The following SAMD5 variants were observed in gnomAD, a reference collection of about 807,000 sequenced individuals.
SAMD5 encodes sterile alpha motif domain containing 5, also known as sterile alpha motif domain-containing protein 5.
Under a neutral mutation model 11.3 loss-of-function variants are expected in SAMD5, and 13 were observed. The observed-to-expected ratio is 1.15, with a 90% CI of 0.75 to 1.83. SAMD5 has a LOEUF of 1.83. Among genes scored for constraint, SAMD5 ranks in the 40% most tolerant of loss-of-function variants. SAMD5 has a pLI of 0.00. For synonymous variants in SAMD5, 129 were observed against 111.3 expected (o/e 1.16, Z -1.00); for missense variants, 255 against 239.1 (o/e 1.07, Z -0.44).
At chr6:147,925,410 A>T in the SAMD5 span, among the ~76,000 whole-genome samples, 1 of 152,196 alleles carries the variant, frequency 6.6e-6, no homozygotes, top group South Asian at 2.1e-4. Context: ...GCATTCTGTT[A>T]CAGCAGCTCA....
intron 1 of SAMD5, among the ~76,000 whole-genome samples, chr6:147,554,903 G>A (rs951486817): frequency 2.0e-5 from 3 of 152,140 alleles, no homozygotes; most frequent in Admixed American, 1.3e-4. Flanking sequence ...CAGGGGGTCT[G>A]CAAGGTAATA....
chr6:147,646,277 G>T (rs1790400009), intron 1 of SAMD5, among the ~76,000 whole-genome samples: 1 of 152,148 alleles, frequency 6.6e-6, no homozygotes, highest in Non-Finnish European at 1.5e-5. Flanking sequence ...AGTGAGCCAT[G>T]ATCATGCCAC....
At chr6:147,844,485 C>T in the SAMD5 span, among the ~76,000 whole-genome samples, 1 of 152,124 alleles carries the variant, frequency 6.6e-6, no homozygotes, top group Non-Finnish European at 1.5e-5. Context: ...AATTCCACTT[C>T]TGGCATACAC....
the SAMD5 span, among the ~76,000 whole-genome samples, chr6:147,847,852 C>A: frequency 2.6e-5 from 4 of 151,554 alleles, no homozygotes; most frequent in African/African-American, 9.7e-5. Context: ...GACTCCATCT[C>A]AAAAAAACAA....
intron 1 of SAMD5, among the ~76,000 whole-genome samples, chr6:147,591,337 C>G (rs1027774561): frequency 2.3e-4 from 35 of 152,296 alleles, no homozygotes; most frequent in African/African-American, 8.2e-4. Context: ...CGTGCACTAC[C>G]TGATTGTCCT....
chr6:147,914,590 C>T, the SAMD5 span, among the ~76,000 whole-genome samples: 3 of 152,058 alleles, frequency 2.0e-5, no homozygotes, highest in Non-Finnish European at 2.9e-5. Context: ...TTGCAGCCAT[C>T]AAAGTGAAGG....
intron 1 of SAMD5, among the ~76,000 whole-genome samples, chr6:147,699,557 G>T (rs954649491): frequency 6.6e-6 from 1 of 152,134 alleles, no homozygotes. Context: ...TGTTAAAAAT[G>T]CAAATAGTTT....
the SAMD5 span, among the ~76,000 whole-genome samples, chr6:147,908,998 C>T: frequency 6.6e-6 from 1 of 152,108 alleles, no homozygotes; most frequent in Non-Finnish European, 1.5e-5. Context: ...CACTTGAGCC[C>T]AGGAGTTCGA....
chr6:147,943,487 CCTT>C, the SAMD5 span, among the ~76,000 whole-genome samples: 1 of 152,024 alleles, frequency 6.6e-6, no homozygotes, highest in Non-Finnish European at 1.5e-5. Context: ...TCCTCCTCCT[CCTT>C]TGCTCTGCGT....
the SAMD5 span, among the ~76,000 whole-genome samples, chr6:147,951,870 T>C: frequency 7.2e-5 from 11 of 152,222 alleles, no homozygotes; most frequent in African/African-American, 2.7e-4. Flanking sequence ...TTAAGACTCT[T>C]AATGTGTATT....
intron 1 of SAMD5, among the ~76,000 whole-genome samples, chr6:147,705,090 G>A (rs1315139296): frequency 6.6e-6 from 1 of 152,186 alleles, no homozygotes; most frequent in Non-Finnish European, 1.5e-5. Flanking sequence ...AGGTAGAGGC[G>A]AACCTTGTAA....
At chr6:147,632,297 G>A (rs1157197358) in intron 1 of SAMD5, among the ~76,000 whole-genome samples, 1 of 152,178 alleles carries the variant, frequency 6.6e-6, no homozygotes, top group African/African-American at 2.4e-5. Context: ...GCATAGTGAG[G>A]AAACCTCTTC....
chr6:147,941,881 T>C, the SAMD5 span, among the ~76,000 whole-genome samples: 1 of 152,244 alleles, frequency 6.6e-6, no homozygotes, highest in African/African-American at 2.4e-5. Flanking sequence ...TTGTTTTGCT[T>C]TGTTTTGTTT....
intron 1 of SAMD5, among the ~76,000 whole-genome samples, chr6:147,653,020 T>C (rs1438979816): frequency 6.6e-6 from 1 of 152,140 alleles, no homozygotes; most frequent in Non-Finnish European, 1.5e-5. Flanking sequence ...CCCACTTAAG[T>C]ACATACTCTA....
intron 1 of SAMD5, among the ~76,000 whole-genome samples, chr6:147,592,461 G>A (rs1407705978): frequency 2.0e-5 from 3 of 151,996 alleles, no homozygotes; most frequent in Non-Finnish European, 2.9e-5. Flanking sequence ...GAGGAAGAGG[G>A]GCATCTTGGT....
At chr6:147,604,614 T>C (rs10484689) in intron 1 of SAMD5, among the ~76,000 whole-genome samples, 84,016 of 152,072 alleles carry the variant, frequency 0.55, 23,634 homozygotes, top group East Asian at 0.71. Flanking sequence ...TCATCTTTCA[T>C]TGGAGTGCCA....
the SAMD5 span, among the ~76,000 whole-genome samples, chr6:147,908,210 C>T: frequency 2.6e-5 from 4 of 152,174 alleles, no homozygotes; most frequent in African/African-American, 9.7e-5. Context: ...CTGAGTTTGA[C>T]TCTATTATGG....
intron 1 of SAMD5, among the ~76,000 whole-genome samples, chr6:147,601,339 AT>A (rs138742748): frequency 0.013 from 1,896 of 147,394 alleles, 40 homozygotes; most frequent in African/African-American, 0.041. Context: ...CATAAATCAG[AT>A]TTTTTTTTTT....
intron 1 of SAMD5, among the ~76,000 whole-genome samples, chr6:147,521,115 C>T (rs1788246633): frequency 6.6e-6 from 1 of 151,834 alleles, no homozygotes; most frequent in African/African-American, 2.4e-5. Flanking sequence ...TGAAATCTTA[C>T]CCATGTTACT....
Sources: allele counts gnomAD v4.1 joint callset (sites outside exome capture counted in the v4.1 genomes callset), GRCh38; gene constraint gnomAD v4.1.1; transcripts MANE v1.5; gene names NCBI Gene and HGNC (gene_info 2026-07-23, HGNC 2026-07-21).